AGAP1: variants seen among roughly 807,000 people sequenced by gnomAD.
The protein encoded by AGAP1 is arf-GAP with GTPase, ANK repeat and PH domain-containing protein 1.
AGAP1 carries 29 observed loss-of-function variants against 105.3 expected under a neutral mutation model. The observed-to-expected ratio is 0.28, with a 90% confidence interval of 0.21 to 0.38. The LOEUF (loss-of-function observed/expected upper bound fraction) is 0.38. AGAP1 is among the 10% of genes least tolerant of loss of function. The pLI is 1.00. For synonymous variants in AGAP1, 509 were observed against 485.9 expected, an observed-to-expected ratio of 1.05 and a Z score of -0.63; for missense variants, 998 against 1,165.1, an observed-to-expected ratio of 0.86 and a Z score of 2.09.
At chr2:235,717,183 C>T (rs1239457610) in intron 2 of AGAP1, among the ~76,000 whole-genome samples, 1 of 152,202 alleles carries the variant, frequency 6.6e-6, no homozygotes, top group African/African-American at 2.4e-5. Flanking sequence ...CCTCTGCCCT[C>T]GGGTGCCACC....
Position 235,692,310 on chromosome 2 carries a change from A to G in AGAP1, c.164-16869A>G, listed in dbSNP as rs1949771085. 6.6e-6 allele frequency among the ~76,000 whole-genome samples: 1 copy of G among 151,928 alleles called. No homozygotes were observed. Among genetic ancestry groups the G allele is most frequent in the Non-Finnish European group, 1.5e-5 (1 of 67,992 alleles). ...GTGGCCCCTGCCTTCCATCTTCCCC[A>G]GGGTGCCAGTGGGGACCTTGCCTTC... On this transcript the variant is annotated intron_variant, in intron 1 of 17. Coordinates refer to ENST00000304032, the MANE Select transcript of AGAP1 (RefSeq NM_001037131.3). The surrounding 1 kb of genome is among the most constrained non-coding windows in gnomAD (Gnocchi z 5.8).
Position 235,559,922 on chromosome 2 carries a change from C to CT in AGAP1, c.163+65080dup, listed in dbSNP as rs1377794190. Among the ~76,000 whole-genome samples, 2 of 151,886 alleles carry CT rather than the reference C, an allele frequency of 1.3e-5. No homozygotes were observed. The highest frequency in any genetic ancestry group is 4.8e-5 in the African/African-American group (2 of 41,350). ...TAGATATATGATTTGCAAATATATT[C>CT]TTTTTTTCTGTGGTTTGTCCATTAA... On this transcript the variant is annotated intron_variant, in intron 1 of 17. Transcript: ENST00000304032. This position sits in a 1 kb window ranked among gnomAD's most constrained non-coding sequence, Gnocchi z 5.7.
intron 1 of AGAP1, among the ~76,000 whole-genome samples, chr2:235,681,468 A>G (rs970687758): frequency 3.3e-5 from 5 of 152,130 alleles, no homozygotes; most frequent in Admixed American, 3.3e-4. Context: ...CAGCTGGTGA[A>G]CCACCTTGTC....
rs1381274285 is a variant in AGAP1, at chr2:235,753,839, G to A, written c.673+3351G>A. 2.0e-5 allele frequency among the ~76,000 whole-genome samples: 3 copies of A among 152,030 alleles called. No homozygotes were observed. Among genetic ancestry groups the A allele is most frequent in the Admixed American group, 2.0e-4 (3 of 15,272 alleles). ...AGATAACATTTTTAAAATAAAATCA[G>A]TTACTTTGTATATTTTATATCATAG... On this transcript the variant is annotated intron_variant, in intron 6 of 17. Transcript: ENST00000304032. This position sits in a 1 kb window ranked among gnomAD's most constrained non-coding sequence, Gnocchi z 4.5.
intron 9 of AGAP1, among the ~76,000 whole-genome samples, chr2:235,858,191 G>A (rs1005526619): frequency 1.3e-5 from 2 of 152,132 alleles, no homozygotes; most frequent in Non-Finnish European, 2.9e-5. Context: ...GTATAAAATC[G>A]TAATTCAGTA....
In AGAP1 at chr2:235,757,027, A is replaced by G. The variant is rs187224129; in HGVS notation, c.673+6539A>G. 1.3e-3 allele frequency among the ~76,000 whole-genome samples: 195 copies of G among 152,298 alleles called. 2 individuals carry two copies. The highest frequency in any genetic ancestry group is 4.5e-3 in the African/African-American group (185 of 41,568). ...GTTAAATCCCAGTTCAGAACATCAC[A>G]TTAGATATATGATCTGCACTGTGCT... On this transcript the variant is annotated intron_variant, in intron 6 of 17. Transcript: ENST00000304032.
chr2:235,563,328 T>C (rs1378126366), intron 1 of AGAP1, among the ~76,000 whole-genome samples: 1 of 152,156 alleles, frequency 6.6e-6, no homozygotes, highest in East Asian at 1.9e-4. Flanking sequence ...TGTGTCTGCC[T>C]CTGTGCCCTC....
chr2:235,529,470 A>C (rs1434745746), intron 1 of AGAP1, among the ~76,000 whole-genome samples: 1 of 152,180 alleles, frequency 6.6e-6, no homozygotes, highest in Non-Finnish European at 1.5e-5. Flanking sequence ...GTGGGGATTG[A>C]ACTGGCAGGA....
chr2:235,762,393 G>A (rs375094287), intron 6 of AGAP1, among the ~76,000 whole-genome samples: 26 of 152,262 alleles, frequency 1.7e-4, no homozygotes, highest in African/African-American at 6.3e-4. Context: ...AGGAATTCAG[G>A]CTCCGAGCAG....
Position 236,088,942 on chromosome 2 carries a change from A to T in AGAP1, c.2115-31250A>T, listed in dbSNP as rs376490893. Among the ~76,000 whole-genome samples, 26 of 152,344 alleles carry T rather than the reference A, an allele frequency of 1.7e-4. No individual in the cohort carries two copies. In the South Asian group the frequency reaches 4.8e-3, roughly 28 times the overall value. ...GATCATGATGGTGATCGTCATAAAG[A>T]CACACGGGGCTGAAATCAAATTCAA... On this transcript the variant is annotated intron_variant, in intron 16 of 17. Transcript: ENST00000304032.
rs1385514211 is a variant in AGAP1 at position 235,843,185 on chromosome 2, C to T, written c.1050+35854C>T. 6.6e-6 allele frequency among the ~76,000 whole-genome samples: 1 copy of T among 150,908 alleles called. No individual in the cohort carries two copies. Among genetic ancestry groups the T allele is most frequent in the Non-Finnish European group, 1.5e-5 (1 of 67,746 alleles). On this transcript the variant is annotated intron_variant, in intron 9 of 17. Transcript: ENST00000304032. The surrounding 1 kb of genome is among the most constrained non-coding windows in gnomAD (Gnocchi z 5.9). ...TTCATCCCTGCAGGCTCCCTGTACC[C>T]CCAGCTCCCAGAACCCATCACCAGC...
chr2:235,798,843 C>T (rs1957360715), intron 7 of AGAP1, among the ~76,000 whole-genome samples: 1 of 145,930 alleles, frequency 6.9e-6, no homozygotes, highest in African/African-American at 2.6e-5. Context: ...TGCATTCCAG[C>T]CTGGGTGACA....
In AGAP1 at chr2:235,842,274, G is replaced by C. The variant is rs1294911809; in HGVS notation, c.1050+34943G>C. On this transcript the variant is annotated intron_variant, in intron 9 of 17. Transcript: ENST00000304032. The surrounding 1 kb of genome is among the most constrained non-coding windows in gnomAD (Gnocchi z 5.3). ...GGGGAAATTCATTCGTATTTCCACT[G>C]ACTTCGACTGAAAGTTAACGTTTCC... Among the ~76,000 whole-genome samples, 1 of 152,222 alleles carries C rather than the reference G, an allele frequency of 6.6e-6. No homozygotes were observed. The highest frequency in any genetic ancestry group is 1.9e-4 in the East Asian group (1 of 5,194).
At chr2:235,895,512 T>C (rs1350106551) in intron 10 of AGAP1, among the ~76,000 whole-genome samples, 2 of 152,194 alleles carry the variant, frequency 1.3e-5, no homozygotes, top group African/African-American at 2.4e-5. Flanking sequence ...CTCTTTCCAA[T>C]CCTGGCTTAA....
At chr2:235,886,900 G>T (rs1314650591) in intron 10 of AGAP1, among the ~76,000 whole-genome samples, 1 of 152,062 alleles carries the variant, frequency 6.6e-6, no homozygotes, top group Non-Finnish European at 1.5e-5. Context: ...AGTCCGTTCT[G>T]TTGTGACTTG....
At chr2:235,829,521 A>T (rs1053227768) in intron 9 of AGAP1, among the ~76,000 whole-genome samples, 3 of 152,344 alleles carry the variant, frequency 2.0e-5, no homozygotes, top group Non-Finnish European at 2.9e-5. Context: ...CTGAATTGCC[A>T]CTAGAGAATT....
At chr2:235,515,594 T>C (rs1432137461) in intron 1 of AGAP1, among the ~76,000 whole-genome samples, 1 of 152,244 alleles carries the variant, frequency 6.6e-6, no homozygotes, top group Non-Finnish European at 1.5e-5. Context: ...CATCTGCCCT[T>C]GTTCAGTGTT....
At chr2:235,542,985 TC>T (rs1458624107) in intron 1 of AGAP1, among the ~76,000 whole-genome samples, 1 of 152,110 alleles carries the variant, frequency 6.6e-6, no homozygotes, top group Non-Finnish European at 1.5e-5. Context: ...AAGCCTGACT[TC>T]CTGTTTGCTG....
chr2:235,718,093 CTTATA>C (rs780994273), intron 3 of AGAP1, among the ~76,000 whole-genome samples: 4 of 152,080 alleles, frequency 2.6e-5, no homozygotes, highest in Non-Finnish European at 5.9e-5. Flanking sequence ...TGTTTCCCCC[CTTATA>C]TTATAAACAT....
Sources: gnomAD v4.1 joint callset for allele counts (sites outside exome capture counted in the v4.1 genomes callset) on GRCh38, gnomAD v4.1.1 for gene constraint, Gnocchi (gnomAD v3.1) non-coding constraint, MANE v1.5 for transcripts, NCBI Gene and HGNC (gene_info 2026-07-23, HGNC 2026-07-21) for gene names.